Variants in GRHL1 observed in about 807,000 individuals in gnomAD.
GRHL1 encodes the protein grainyhead like transcription factor 1.
A neutral mutation model predicts 75.7 loss-of-function variants in GRHL1; 38 were observed. The ratio of observed to expected loss-of-function variants is 0.50; its 90% CI spans 0.39 to 0.66. GRHL1 has a LOEUF of 0.66. Ranked by LOEUF, GRHL1 falls within the 30% of genes least tolerant of loss-of-function variation. The probability of loss-of-function intolerance (pLI) is 0.00; values close to 1 mark genes in which losing one functional copy is unlikely to be tolerated. For synonymous variants in GRHL1, 266 were observed against 279.4 expected (o/e 0.95, Z 0.48); for missense variants, 589 against 767.5 (o/e 0.77, Z 2.75).
intron 14 of GRHL1, among the ~76,000 whole-genome samples, chr2:9,998,523 C>T (rs1274703368): frequency 6.2e-4 from 6 of 9,726 alleles, no homozygotes; most frequent in African/African-American, 3.0e-3. Flanking sequence ...TATATATATA[C>T]ATATATATAC....
chr2:9,964,055 C>A lies in GRHL1; in HGVS notation c.903+13C>A. On this transcript the variant is annotated intron_variant, in intron 6 of 15. Coordinates refer to ENST00000324907, the MANE Select transcript of GRHL1 (RefSeq NM_198182.3). ...CAGCAAAGTTCGAGTAAGTTCTGCT[C>A]TTAGTCCTGTTCTCTAGGAAAGCTA... 6.2e-7 allele frequency: 1 copy of A among 1,610,114 alleles called. No homozygotes were observed. The highest frequency in any genetic ancestry group is 1.1e-5 in the South Asian group (1 of 90,724).
At position 9,998,988 on chromosome 2, in the gene GRHL1, C is replaced by T. The variant is rs1316055252; in HGVS notation, c.1701C>T (p.Pro567=). 2 of 1,575,364 alleles carry T rather than the reference C, an allele frequency of 1.3e-6. No individual in the cohort carries two copies. The highest frequency in any genetic ancestry group is 1.8e-5 in the Admixed American group (1 of 56,922). Residue 567 remains proline, a synonymous_variant, in exon 15 of 16, where the codon CCC becomes CCT. Coordinates refer to ENST00000324907, the MANE Select transcript of GRHL1 (RefSeq NM_198182.3). ...AGATCTCAGACAAATACGATGTTCCCCATGACAAGATTGGGAAAATATTCA... is the reference window on the plus strand; with the variant it reads ...AGATCTCAGACAAATACGATGTTCCTCATGACAAGATTGGGAAAATATTCA... ...MEAISDKYDV[P]HDKIGKIFKK...
rs1558314837 is a variant in GRHL1 at position 9,992,447 on chromosome 2, AT to A, written c.1461+304del. Among the ~76,000 whole-genome samples, 1 of 152,174 alleles carries A rather than the reference AT, an allele frequency of 6.6e-6. No individual in the cohort carries two copies. ...TAAAAGATTCTAGAATAGTAGCATA[AT>A]TTGGAGTTTGAGCCTGTCATCTTTT... On this transcript the variant is annotated intron_variant, in intron 11 of 15. Coordinates refer to ENST00000324907, the MANE Select transcript of GRHL1 (RefSeq NM_198182.3). The surrounding 1 kb of genome is among the most constrained non-coding windows in gnomAD (Gnocchi z 4.6).
chr2:9,976,385 T>C (rs928833197), intron 8 of GRHL1, among the ~76,000 whole-genome samples: 13 of 152,096 alleles, frequency 8.5e-5, no homozygotes, highest in Admixed American at 7.9e-4. Context: ...ACCTTTGATG[T>C]CTTCTGAGCC....
chr2:9,955,241 C>T (rs1215856673), intron 2 of GRHL1, 140 bp downstream of exon 2: 1 of 617,096 alleles, frequency 1.6e-6, no homozygotes, highest in Non-Finnish European at 2.8e-6. Flanking sequence ...AGTACTTTGA[C>T]TTACTGTGAT....
At chr2:9,970,081 G>C (rs1667660935) in intron 8 of GRHL1, among the ~76,000 whole-genome samples, 1 of 152,108 alleles carries the variant, frequency 6.6e-6, no homozygotes, top group African/African-American at 2.4e-5. Context: ...CTGACCTCGT[G>C]ATCCACCTGC....
rs35792405 is a variant in GRHL1, at chr2:9,986,393, A to G, written c.1269+111A>G. 8.0e-3 allele frequency: 4,245 copies of G among 531,670 alleles called. 148 individuals carry two copies. Among genetic ancestry groups the G allele is most frequent in the African/African-American group, 0.075 (3,788 of 50,492 alleles). 32.9% of individuals were successfully genotyped at this position (531,670 alleles called of 1,614,324 possible). On this transcript the variant is annotated intron_variant, in intron 9 of 15. Coordinates refer to ENST00000324907, the MANE Select transcript of GRHL1 (RefSeq NM_198182.3). ...ATGAGAATATAGCTGCTAATATAGA[A>G]TAACTTTTAAAATTATTTTTATTTA... is the stretch of plus-strand genomic sequence containing the variant.
At chr2:9,955,235 C>G (rs1182655972) in intron 2 of GRHL1, 134 bp downstream of exon 2, 9 of 621,514 alleles carry the variant, frequency 1.4e-5, no homozygotes, top group Non-Finnish European at 2.5e-5. Flanking sequence ...TTAATGAGTA[C>G]TTTGACTTAC....
intron 8 of GRHL1, among the ~76,000 whole-genome samples, chr2:9,979,609 G>A (rs932450002): frequency 2.0e-5 from 3 of 151,914 alleles, no homozygotes; most frequent in Non-Finnish European, 4.4e-5. Flanking sequence ...TAGCAGCAAC[G>A]TTACAAAACC....
In GRHL1 at chr2:9,992,754, A is replaced by T. The variant is rs1001061161; in HGVS notation, c.1462-453A>T. Among the ~76,000 whole-genome samples the T allele has an allele frequency of 6.6e-6, 1 of 152,252 alleles. No individual in the cohort carries two copies. ...TTTCATGCACTTTGTGGACAGATTT[A>T]TAAGGACTAAAGATTCGTCAGAGTT... On this transcript the variant is annotated intron_variant, in intron 11 of 15. Coordinates refer to ENST00000324907, the MANE Select transcript of GRHL1 (RefSeq NM_198182.3). The surrounding 1 kb of genome is among the most constrained non-coding windows in gnomAD (Gnocchi z 4.6).
At chr2:9,965,187 G>A (rs1318882399) in intron 7 of GRHL1, 100 bp from the exon 8 acceptor site, 2 of 679,060 alleles carry the variant, frequency 2.9e-6, no homozygotes, top group Non-Finnish European at 5.4e-6. Flanking sequence ...TTGTCCAGAG[G>A]TGATAATGCT....
Position 9,987,204 on chromosome 2 carries a change from C to G in GRHL1, c.1269+922C>G, listed in dbSNP as rs1668458771. On this transcript the variant is annotated intron_variant, in intron 9 of 15. Transcript: ENST00000324907. The surrounding 1 kb of genome is among the most constrained non-coding windows in gnomAD (Gnocchi z 4.2). The stretch of plus-strand genomic sequence containing the variant: ...GCCAGGCTGGTCTTGAATTCCTGGC[C>G]TCATGTGATGCGCCCACTTTGGCTT... Among the ~76,000 whole-genome samples the G allele has an allele frequency of 1.3e-5, 2 of 152,066 alleles. No individual in the cohort carries two copies. The highest frequency in any genetic ancestry group is 4.8e-5 in the African/African-American group (2 of 41,402).
At chr2:9,993,323 C>T in intron 12 of GRHL1, 79 bp downstream of exon 12, 2 of 1,154,538 alleles carry the variant, frequency 1.7e-6, no homozygotes, top group Non-Finnish European at 1.3e-6. Context: ...AAGTACAGTA[C>T]AAAGAACTCA....
At position 9,996,943 on chromosome 2, in the gene GRHL1, A is replaced by G. The variant is rs187461053; in HGVS notation, c.1677+542A>G. On this transcript the variant is annotated intron_variant, in intron 14 of 15. Coordinates refer to ENST00000324907, the MANE Select transcript of GRHL1 (RefSeq NM_198182.3). ...TGCTCCCTGTGGGGATATCAGTAAG[A>G]GAGGAAACATGGAAGGCTGCTGTGT... is the stretch of plus-strand genomic sequence containing the variant. 5.7e-4 allele frequency among the ~76,000 whole-genome samples: 87 copies of G among 152,332 alleles called. 5 individuals carry two copies. The highest frequency in any genetic ancestry group is 1.7e-4 in the African/African-American group (7 of 41,568).
At chr2:9,973,861 C>T (rs77390445) in intron 8 of GRHL1, among the ~76,000 whole-genome samples, 32 of 152,228 alleles carry the variant, frequency 2.1e-4, no homozygotes, top group Non-Finnish European at 4.0e-4. Context: ...TGTCCACGAC[C>T]GCTGCTACTG....
chr2:9,966,755 A>T (rs1301237358), intron 8 of GRHL1, among the ~76,000 whole-genome samples: 1 of 152,062 alleles, frequency 6.6e-6, no homozygotes, highest in Admixed American at 6.5e-5. Flanking sequence ...CGTTGTCATC[A>T]TGTCCAAGAC....
intron 5 of GRHL1, among the ~76,000 whole-genome samples, chr2:9,963,203 T>C (rs1667347094): frequency 6.6e-6 from 1 of 152,242 alleles, no homozygotes; most frequent in Non-Finnish European, 1.5e-5. Flanking sequence ...TAACTTTTTC[T>C]GTAAAGACTC....
chr2:9,970,134 T>G (rs1667663927), intron 8 of GRHL1, among the ~76,000 whole-genome samples: 1 of 152,222 alleles, frequency 6.6e-6, no homozygotes, highest in Non-Finnish European at 1.5e-5. Context: ...TGAGCCACCG[T>G]GCCCAGCCAG....
intron 12 of GRHL1, among the ~76,000 whole-genome samples, chr2:9,994,864 G>T (rs1156909243): frequency 6.6e-6 from 1 of 152,066 alleles, no homozygotes; most frequent in Non-Finnish European, 1.5e-5. Flanking sequence ...ACTCTCCTTG[G>T]TCTGTTCTCA....
Sources: gnomAD v4.1 joint callset for allele counts (sites outside exome capture counted in the v4.1 genomes callset) on GRCh38, gnomAD v4.1.1 for gene constraint, Gnocchi (gnomAD v3.1) non-coding constraint, MANE v1.5 for transcripts, NCBI Gene and HGNC (gene_info 2026-07-23, HGNC 2026-07-21) for gene names.